NEK1: variants seen among roughly 807,000 people sequenced by gnomAD.
NEK1 encodes NIMA related kinase 1, also known as serine/threonine-protein kinase Nek1.
Under a neutral mutation model 182.1 loss-of-function variants are expected in NEK1, and 137 were observed. The ratio of observed to expected loss-of-function variants is 0.75; its 90% CI spans 0.65 to 0.87. The LOEUF (loss-of-function observed/expected upper bound fraction) is 0.87, where lower values mean the gene tolerates loss of function less well. Ranked by LOEUF, NEK1 falls within the 40% of genes least tolerant of loss-of-function variation. NEK1 has a pLI of 0.00. For synonymous variants in NEK1, 513 were observed against 492.2 expected (o/e 1.04, Z -0.56); for missense variants, 1,391 against 1,494.4 (o/e 0.93, Z 1.14).
intron 18 of NEK1, among the ~76,000 whole-genome samples, chr4:169,539,126 T>C (rs1241673644): frequency 6.6e-6 from 1 of 152,152 alleles, no homozygotes; most frequent in Admixed American, 6.6e-5. Context: ...CAGATGTGTC[T>C]GGGTAGCTAA....
chr4:169,438,238 T>C lies in NEK1; in HGVS notation c.2609A>G (p.Lys870Arg), dbSNP rs750767994. The change falls in exon 28 of 36, where the codon AAG becomes AGG. Residue 870 changes from lysine (K) to arginine (R), a missense_variant. Lys to Arg is a conservative substitution (Grantham distance 26, BLOSUM62 2). This residue lies in a region of NEK1 where 1,216 missense variants were observed against 1,277.6 expected (regional missense o/e 0.95). Transcript: ENST00000507142. ...IRSEISPEGE[K>R]YKPLITGEKK... ...TTCTCCAGTAATTAAGGGTTTGTAC[T>C]TTTCCCCTTCGGGAGAAATCTCTGT... 1 of 1,545,224 alleles carries C rather than the reference T, an allele frequency of 6.5e-7. No individual in the cohort carries two copies. Among genetic ancestry groups the C allele is most frequent in the South Asian group, 1.2e-5 (1 of 80,758 alleles).
chr4:169,473,795 A>G (rs1403184849), intron 26 of NEK1, among the ~76,000 whole-genome samples: 1 of 152,164 alleles, frequency 6.6e-6, no homozygotes, highest in Non-Finnish European at 1.5e-5. Flanking sequence ...GTGCTTCAAG[A>G]AGAGTGTGTA....
At chr4:169,506,889 A>G (rs1000855887) in intron 23 of NEK1, 148 bp downstream of exon 23, 2 of 421,154 alleles carry the variant, frequency 4.7e-6, no homozygotes, top group Non-Finnish European at 8.3e-6. Context: ...TGAGAAAGAG[A>G]GAGGTAATGA....
intron 12 of NEK1, among the ~76,000 whole-genome samples, chr4:169,576,281 C>T (rs1170684670): frequency 2.0e-5 from 3 of 152,108 alleles, no homozygotes; most frequent in African/African-American, 7.2e-5. Flanking sequence ...AGATTTTAAA[C>T]AAAGTGACTG....
intron 19 of NEK1, among the ~76,000 whole-genome samples, chr4:169,512,280 GGTTTT>G (rs1270338992): frequency 2.6e-5 from 4 of 151,970 alleles, no homozygotes; most frequent in African/African-American, 9.7e-5. Context: ...ATCAGCATTT[GGTTTT>G]ATCACTATTT....
chr4:169,404,764 G>GT lies in NEK1; in HGVS notation c.3374+1831dup, dbSNP rs1230084702. 6.6e-5 allele frequency among the ~76,000 whole-genome samples: 9 copies of GT among 136,830 alleles called. No homozygotes were observed. In the South Asian group the frequency reaches 2.2e-3, roughly 33 times the overall value. 89.8% of individuals were successfully genotyped at this position (136,830 alleles called of 152,430 possible). Reference sequence around the variant, plus strand: ...AACAAGGTAAAGGAAGGTTCTTTTTGTTTTTTTATGGAAAAAAATTTTTTT... The same window carrying GT: ...AACAAGGTAAAGGAAGGTTCTTTTTGTTTTTTTTATGGAAAAAAATTTTTTT... On this transcript the variant is annotated intron_variant, in intron 32 of 35. Transcript: ENST00000507142.
chr4:169,467,582 T>C (rs191608438), intron 26 of NEK1, among the ~76,000 whole-genome samples: 63 of 152,096 alleles, frequency 4.1e-4, no homozygotes, highest in South Asian at 3.9e-3. Flanking sequence ...AAAAAACAAA[T>C]AGAAAAATGG....
chr4:169,444,245 A>G (rs1740064600), intron 27 of NEK1, among the ~76,000 whole-genome samples: 1 of 152,172 alleles, frequency 6.6e-6, no homozygotes, highest in African/African-American at 2.4e-5. Flanking sequence ...ACCAATTAAC[A>G]AAATGACTAG....
At chr4:169,595,813 C>T (rs868282823) in intron 5 of NEK1, among the ~76,000 whole-genome samples, 9 of 150,136 alleles carry the variant, frequency 6.0e-5, no homozygotes, top group African/African-American at 2.2e-4. Context: ...GTCCCTGCTA[C>T]TCAGGAGGCT....
intron 27 of NEK1, among the ~76,000 whole-genome samples, chr4:169,455,553 C>T (rs764789615): frequency 6.6e-6 from 1 of 152,072 alleles, no homozygotes; most frequent in African/African-American, 2.4e-5. Context: ...ATGGTCAATT[C>T]AGCAAGAGGA....
intron 27 of NEK1, among the ~76,000 whole-genome samples, chr4:169,456,511 T>C (rs1430595957): frequency 1.3e-5 from 2 of 151,590 alleles, no homozygotes; most frequent in Non-Finnish European, 2.9e-5. Context: ...AAATCAGAGA[T>C]GAAAAAGGAG....
At position 169,602,605 on chromosome 4, in the gene NEK1, T is replaced by A. The variant is rs1476445068; in HGVS notation, c.26A>T (p.Lys9Met). Residue 9 changes from lysine (K) to methionine (M), a missense_variant, in exon 3 of 36, where the codon AAG becomes ATG. Lys to Met is a moderately conservative substitution (Grantham distance 95). This residue lies in a region of NEK1 where 42 missense variants were observed against 47.9 expected (regional missense o/e 0.88). Coordinates refer to ENST00000507142, the MANE Select transcript of NEK1 (RefSeq NM_001199397.3). Reference sequence around the variant, plus strand: ...TTTTCCAAATGAACCTTCTCCAATCTTCTGTAGTCTAACATACTTCTCCAT... The same window carrying A: ...TTTTCCAAATGAACCTTCTCCAATCATCTGTAGTCTAACATACTTCTCCAT... MEKYVRLQ[K>M]IGEGSFGKAI... 1 of 1,603,722 alleles carries A rather than the reference T, an allele frequency of 6.2e-7. No individual in the cohort carries two copies. The highest frequency in any genetic ancestry group is 1.3e-5 in the African/African-American group (1 of 74,654).
At chr4:169,464,470 G>A (rs897430181) in intron 26 of NEK1, among the ~76,000 whole-genome samples, 2 of 152,086 alleles carry the variant, frequency 1.3e-5, no homozygotes, top group Admixed American at 1.3e-4. Flanking sequence ...TGTCCTTGGG[G>A]ATGCTGAATA....
At chr4:169,577,662 G>A (rs1347091844) in intron 11 of NEK1, among the ~76,000 whole-genome samples, 1 of 152,096 alleles carries the variant, frequency 6.6e-6, no homozygotes, top group Non-Finnish European at 1.5e-5. Context: ...GCTGAGGCAG[G>A]AGAATGGCGT....
intron 19 of NEK1, among the ~76,000 whole-genome samples, chr4:169,524,449 G>A (rs956086043): frequency 4.5e-4 from 45 of 99,888 alleles, no homozygotes; most frequent in Non-Finnish European, 6.2e-4. Flanking sequence ...CAATGAGAGC[G>A]AAATTCCATC....
At chr4:169,435,911 T>TA (rs1738329588) in intron 28 of NEK1, among the ~76,000 whole-genome samples, 1 of 152,068 alleles carries the variant, frequency 6.6e-6, no homozygotes, top group South Asian at 2.1e-4. Flanking sequence ...AAAATAAAAA[T>TA]AAAAATTGTT....
At chr4:169,403,956 A>C (rs1376795034) in intron 32 of NEK1, among the ~76,000 whole-genome samples, 1 of 152,194 alleles carries the variant, frequency 6.6e-6, no homozygotes, top group Non-Finnish European at 1.5e-5. Context: ...TTTAAAAACA[A>C]CTTGGTTTTC....
At chr4:169,413,940 C>T (rs956898289) in intron 31 of NEK1, among the ~76,000 whole-genome samples, 7 of 152,076 alleles carry the variant, frequency 4.6e-5, no homozygotes. Flanking sequence ...TCACCTGAAC[C>T]CAGAGGGCAG....
chr4:169,460,523 G>A (rs1259024315), intron 27 of NEK1, among the ~76,000 whole-genome samples: 1 of 151,826 alleles, frequency 6.6e-6, no homozygotes, highest in African/African-American at 2.4e-5. Context: ...TTTGGGTGGG[G>A]ACACAGAGCC....
Sources: allele counts gnomAD v4.1 joint callset (sites outside exome capture counted in the v4.1 genomes callset), GRCh38; gene constraint gnomAD v4.1.1; regional missense constraint gnomAD v4.1.1; transcripts MANE v1.5; gene names NCBI Gene and HGNC (gene_info 2026-07-23, HGNC 2026-07-21).